TNXB: variants seen among roughly 807,000 people sequenced by gnomAD.
The protein encoded by TNXB is tenascin-X.
A neutral mutation model predicts 340.5 loss-of-function variants in TNXB; 183 were observed. The ratio of observed to expected loss-of-function variants is 0.54; its 90% CI spans 0.48 to 0.61. The LOEUF (loss-of-function observed/expected upper bound fraction) is 0.61, where lower values mean the gene tolerates loss of function less well. Ranked by LOEUF, TNXB falls within the 20% of genes least tolerant of loss-of-function variation. TNXB has a pLI of 0.00. For synonymous variants in TNXB, 2,121 were observed against 2,314.5 expected, an observed-to-expected ratio of 0.92 and a Z score of 2.40; for missense variants, 4,613 against 5,446.4, an observed-to-expected ratio of 0.85 and a Z score of 4.82.
chr6:32,095,698 A>T lies in TNXB; in HGVS notation c.2155T>A (p.Cys719Ser). 1 of 1,613,984 alleles carries T rather than the reference A, an allele frequency of 6.2e-7. No individual in the cohort carries two copies. The highest frequency in any genetic ancestry group is 8.5e-7 in the Non-Finnish European group (1 of 1,179,872). The change falls in exon 3 of 44, where the codon TGC becomes AGC. Residue 719 changes from cysteine (C) to serine (S), a missense_variant. Cys to Ser is a moderately radical substitution (Grantham distance 112, BLOSUM62 -1). This residue lies in a region of TNXB where 4,327 missense variants were observed against 4,859.4 expected (regional missense o/e 0.89). Transcript: ENST00000644971. ...FRGPDCAIQT[C>S]PGDCRGRGEC... is the part of the protein sequence containing the mutation. Reference sequence around the variant, plus strand: ...CCTCGGCCACGGCAGTCCCCTGGGCATGTCTGGATGGCACAGTCAGGGCCT... The same window carrying T: ...CCTCGGCCACGGCAGTCCCCTGGGCTTGTCTGGATGGCACAGTCAGGGCCT...
chr6:32,043,045 A>G lies in TNXB; in HGVS notation c.11831T>C (p.Val3944Ala), dbSNP rs1170333943. The change falls in exon 38 of 44, where the codon GTG becomes GCG. Residue 3944 changes from valine to alanine, a missense_variant. Transcript: ENST00000644971. ...AGTGAGCAGGGCGGTGCGGGGGGTC[A>G]CTTCCTTGGCCTCCAAGTCCCGAGG... is the stretch of plus-strand genomic sequence containing the variant. ...EAPRDLEAKE[V>A]TPRTALLTWT... 33 of 215,650 alleles carry G rather than the reference A, an allele frequency of 1.5e-4. No individual in the cohort carries two copies. The highest frequency in any genetic ancestry group is 2.5e-4 in the Non-Finnish European group (31 of 123,986). The allele number at this position is 215,650 out of a possible 1,614,324, so 13.4% of individuals were successfully genotyped here. A position where few individuals can be genotyped will look rare whatever the true frequency, so the allele number is the denominator to read the frequency against.
At chr6:32,057,502 G>A (rs543548753) in intron 22 of TNXB, among the ~76,000 whole-genome samples, 3 of 152,262 alleles carry the variant, frequency 2.0e-5, no homozygotes, top group East Asian at 1.9e-4. Context: ...CAGCCCCCAC[G>A]GATGAGCTTC....
chr6:32,094,050 C>T (rs139318918), intron 4 of TNXB, among the ~76,000 whole-genome samples: 1 of 134,178 alleles, frequency 7.5e-6, no homozygotes, highest in African/African-American at 2.9e-5. Flanking sequence ...GCTGAGATGG[C>T]ACCACTGCAC....
Position 32,050,261 on chromosome 6 carries a change from A to AT in TNXB, c.9175dup (p.Ile3059AsnfsTer30). The AT allele has an allele frequency of 6.2e-7, 1 of 1,613,408 alleles. No homozygotes were observed. Among genetic ancestry groups the AT allele is most frequent in the Admixed American group, 1.7e-5 (1 of 60,022 alleles). On this transcript the variant is annotated frameshift_variant, in exon 27 of 44. Transcript: ENST00000644971. LOFTEE classifies it high-confidence loss of function. ...GGTCAGCTCCCCCAGGCGAGGCTTG[A>AT]TGGGGGGCTCAGGGGTCATGGTAGG... is the stretch of plus-strand genomic sequence containing the variant.
At position 32,041,172 on chromosome 6, in the gene TNXB, T is replaced by C. The variant is rs1484062858; in HGVS notation, c.*177A>G. The C allele has an allele frequency of 6.7e-7, 1 of 1,502,882 alleles. No homozygotes were observed. The highest frequency in any genetic ancestry group is 1.3e-5 in the African/African-American group (1 of 74,214). The allele number at this position is 1,502,882 out of a possible 1,614,324, so 93.1% of individuals were successfully genotyped here. On this transcript the variant is annotated 3_prime_UTR_variant, in exon 44 of 44. Coordinates refer to ENST00000644971, the MANE Select transcript of TNXB (RefSeq NM_001365276.2). ...GATGCCAGCCGGGTACCTCAGTTTC[T>C]CCTTTATTGCTCCCGTACGAACCCC...
rs765461982 is a variant in TNXB at position 32,068,900 on chromosome 6, C to G, written c.5824G>C (p.Asp1942His). 1 of 1,612,694 alleles carries G rather than the reference C, an allele frequency of 6.2e-7. No individual in the cohort carries two copies. Among genetic ancestry groups the G allele is most frequent in the Admixed American group, 1.7e-5 (1 of 60,010 alleles). ...NDITLSGLES[D>H]HRYLVTLYGF... ...TACAGGGTCACCAGGTATCTGTGGT[C>G]GGATTCCAGGCCAGAGAGGGTGATG... Residue 1942 changes from aspartate to histidine, a missense_variant, in exon 16 of 44, where the codon GAC (aspartate) becomes CAC (histidine). Physicochemically the swap from Asp to His is moderately conservative, Grantham distance 81. Around this residue, in one of 7 missense-constraint regions of TNXB, gnomAD observed 4,327 missense variants for 4,859.4 expected, o/e 0.89. Coordinates refer to ENST00000644971, the MANE Select transcript of TNXB (RefSeq NM_001365276.2). This position sits in a 1 kb window ranked among gnomAD's most constrained non-coding sequence, Gnocchi z 5.3.
intron 1 of TNXB, among the ~76,000 whole-genome samples, chr6:32,103,077 C>A (rs1353149008): frequency 6.6e-6 from 1 of 151,960 alleles, no homozygotes; most frequent in Non-Finnish European, 1.5e-5. Context: ...TATACATATT[C>A]AAAAACTCAT....
rs751075681 is a variant in TNXB, at chr6:32,070,291, A to G, written c.5114T>C (p.Val1705Ala). ...TVPEGQFDSF[V>A]VQFKDKDGPQ... is the part of the protein sequence containing the mutation. ...CCCGTCTTTGTCCTTGAACTGGACC[A>G]CAAAAGAGTCGAACTGGCCCTCAGG... is the stretch of plus-strand genomic sequence containing the variant. The change falls in exon 14 of 44, where the codon GTG becomes GCG. Residue 1705 changes from valine (V) to alanine (A), a missense_variant. This residue lies in a region of TNXB where 4,327 missense variants were observed against 4,859.4 expected (regional missense o/e 0.89). Coordinates refer to ENST00000644971, the MANE Select transcript of TNXB (RefSeq NM_001365276.2). This position sits in a 1 kb window ranked among gnomAD's most constrained non-coding sequence, Gnocchi z 6.0. The G allele has an allele frequency of 4.3e-6, 7 of 1,612,992 alleles. No homozygotes were observed. In the East Asian group the frequency reaches 1.1e-4, roughly 26 times the overall value.
chr6:32,104,916 C>T (rs781247585), intron 1 of TNXB, among the ~76,000 whole-genome samples: 4 of 152,176 alleles, frequency 2.6e-5, no homozygotes, highest in African/African-American at 4.8e-5. Flanking sequence ...GGATTACAGG[C>T]GTGAGCCACT....
intron 43 of TNXB, 157 bp from the exon 44 acceptor site, chr6:32,041,607 G>T: frequency 9.5e-7 from 1 of 1,056,178 alleles, no homozygotes. Context: ...TTCTGAGCTG[G>T]CCCTTTCCAG....
rs1163277021 is a variant in TNXB, at chr6:32,043,895, G to A, written c.11387-3C>T. On this transcript the variant is annotated splice_region_variant and splice_polypyrimidine_tract_variant and intron_variant, in intron 34 of 43. Transcript: ENST00000644971. Reference sequence around the variant, plus strand: ...CACCTGCACACTCTGAGGCTCCCCTGAAAACATTGGGGATCGAGGGTTACC... The same window carrying A: ...CACCTGCACACTCTGAGGCTCCCCTAAAAACATTGGGGATCGAGGGTTACC... 12 of 1,613,608 alleles carry A rather than the reference G, an allele frequency of 7.4e-6. No homozygotes were observed. The highest frequency in any genetic ancestry group is 2.2e-5 in the East Asian group (1 of 44,864).
Position 32,068,089 on chromosome 6 carries a change from C to T in TNXB, c.6221-105G>A. On this transcript the variant is annotated intron_variant, in intron 17 of 43. Coordinates refer to ENST00000644971, the MANE Select transcript of TNXB (RefSeq NM_001365276.2). This position sits in a 1 kb window ranked among gnomAD's most constrained non-coding sequence, Gnocchi z 5.3. ...GGGACCCGAGGTCAGTTCAGAGAGGCCTACTCTTGGGGCTGGGTGGTCCTG... is the reference window on the plus strand; with the variant it reads ...GGGACCCGAGGTCAGTTCAGAGAGGTCTACTCTTGGGGCTGGGTGGTCCTG... The T allele has an allele frequency of 6.9e-7, 1 of 1,453,640 alleles. No homozygotes were observed. 90.0% of individuals were successfully genotyped at this position (1,453,640 alleles called of 1,614,324 possible). A position where few individuals can be genotyped will look rare whatever the true frequency, so the allele number is the denominator to read the frequency against.
chr6:32,091,338 G>A (rs533369768), intron 4 of TNXB, among the ~76,000 whole-genome samples: 10 of 152,156 alleles, frequency 6.6e-5, no homozygotes, highest in African/African-American at 1.9e-4. Context: ...TCGAACTCCC[G>A]ACCTCAGGTG....
chr6:32,042,665 C>G, intron 39 of TNXB, 34 bp downstream of exon 39: 1 of 1,368,032 alleles, frequency 7.3e-7, no homozygotes, highest in Non-Finnish European at 9.9e-7. Context: ...GCTGCCCACC[C>G]AGCCCCCGGC....
rs781517234 is a variant in TNXB, at chr6:32,073,605, C to T, written c.4681+42G>A. 1 of 1,565,804 alleles carries T rather than the reference C, an allele frequency of 6.4e-7. No individual in the cohort carries two copies. Among genetic ancestry groups the T allele is most frequent in the East Asian group, 2.3e-5 (1 of 44,108 alleles). ...AGAAGGGCCATGGGGTGGGGGAGCT[C>T]TGGGTAACCAGAGATGAGGACTGAG... On this transcript the variant is annotated intron_variant, in intron 12 of 43. Transcript: ENST00000644971. The surrounding 1 kb of genome is among the most constrained non-coding windows in gnomAD (Gnocchi z 4.6).
chr6:32,064,997 T>A lies in TNXB; in HGVS notation c.6665A>T (p.Asp2222Val). 1.2e-6 allele frequency: 2 copies of A among 1,612,382 alleles called. No homozygotes were observed. The highest frequency in any genetic ancestry group is 1.7e-6 in the Non-Finnish European group (2 of 1,179,658). The change falls in exon 19 of 44, where the codon GAC (aspartate) becomes GTC (valine). Residue 2222 changes from aspartate (D) to valine (V), a missense_variant. Physicochemically the swap from Asp to Val is radical, Grantham distance 152 (BLOSUM62 -3). Around this residue, in one of 7 missense-constraint regions of TNXB, gnomAD observed 4,327 missense variants for 4,859.4 expected, o/e 0.89. Transcript: ENST00000644971. The surrounding 1 kb of genome is among the most constrained non-coding windows in gnomAD (Gnocchi z 5.3). ...ATTCTTAAACTGGACCAAGAAATGG[T>A]CAAACTGGCCCTCGGGGACTGTCCA... ...LSWTVPEGQF[D>V]HFLVQFKNGD...
intron 4 of TNXB, among the ~76,000 whole-genome samples, chr6:32,092,780 A>T (rs60415038): frequency 2.6e-5 from 4 of 152,196 alleles, no homozygotes; most frequent in Non-Finnish European, 5.9e-5. Context: ...AGCTACAGAC[A>T]GCAGAAAGCA....
Position 32,043,283 on chromosome 6 carries a change from C to T in TNXB, c.11686G>A (p.Val3896Met), listed in dbSNP as rs1359887602. ...PLQAETPGSA[V>M]DYPLHDLVLH... is the part of the protein sequence containing the mutation. ...ACAAGGTCATGCAGGGGGTAGTCCA[C>T]CGCGCTGCCTGGGGTCTCCGCCTGC... Residue 3896 changes from valine to methionine, a missense_variant, in exon 37 of 44, where the codon GTG becomes ATG. Around this residue, in one of 7 missense-constraint regions of TNXB, gnomAD observed 114 missense variants for 104.5 expected, o/e 1.09. Transcript: ENST00000644971. The T allele has an allele frequency of 3.1e-6, 1 of 321,460 alleles. No homozygotes were observed. Among genetic ancestry groups the T allele is most frequent in the Non-Finnish European group, 5.3e-6 (1 of 187,848 alleles). The allele number at this position is 321,460 out of a possible 1,614,324, so 19.9% of individuals were successfully genotyped here.
rs1778807328 is a variant in TNXB at position 32,072,090 on chromosome 6, G to A, written c.4890C>T (p.Val1630=). 1.2e-6 allele frequency: 2 copies of A among 1,612,868 alleles called. No homozygotes were observed. Among genetic ancestry groups the A allele is most frequent in the African/African-American group, 1.3e-5 (1 of 74,904 alleles). ...GGGAGGGTTCCAGGTCAGGGATAGT[G>A]ACCTCCCGCTGATCTGCAGCCACGG... ...VVPVAADQRE[V]TIPDLEPSRK... Residue 1630 remains valine, a synonymous_variant, in exon 13 of 44, where the codon GTC becomes GTT. Coordinates refer to ENST00000644971, the MANE Select transcript of TNXB (RefSeq NM_001365276.2). This position sits in a 1 kb window ranked among gnomAD's most constrained non-coding sequence, Gnocchi z 4.4.
Sources: allele counts gnomAD v4.1 joint callset (sites outside exome capture counted in the v4.1 genomes callset), GRCh38; gene constraint gnomAD v4.1.1; regional missense constraint gnomAD v4.1.1; non-coding constraint Gnocchi (gnomAD v3.1); transcripts MANE v1.5; gene names NCBI Gene and HGNC (gene_info 2026-07-23, HGNC 2026-07-21).